The following POU2F3 variants were observed in gnomAD, a reference collection of about 807,000 sequenced individuals.
POU2F3 encodes the protein POU domain, class 2, transcription factor 3.
POU2F3 carries 23 observed loss-of-function variants against 59.2 expected under a neutral mutation model. The ratio of observed to expected loss-of-function variants is 0.39; its 90% confidence interval spans 0.28 to 0.55. POU2F3 has a LOEUF of 0.55. POU2F3 is among the 20% of genes least tolerant of loss of function. POU2F3 has a pLI of 0.66. For synonymous variants in POU2F3, 190 were observed against 214.6 expected, an observed-to-expected ratio of 0.89 and a Z score of 1.00; for missense variants, 473 against 544.5, an observed-to-expected ratio of 0.87 and a Z score of 1.31.
At chr11:120,307,700 C>T (rs1262345661) in intron 9 of POU2F3, 85 bp downstream of exon 9, 21 of 1,519,824 alleles carry the variant, frequency 1.4e-5, no homozygotes, top group Non-Finnish European at 1.9e-5. Context: ...TTGGCACCAG[C>T]CCCTCCGCAC....
upstream of POU2F3, chr11:120,236,759 G>A (rs1291158949): frequency 3.5e-6 from 5 of 1,410,566 alleles, no homozygotes; most frequent in Non-Finnish European, 4.8e-6. Context: ...GAAATGATCA[G>A]TGAGCAAGTC....
intron 3 of POU2F3, among the ~76,000 whole-genome samples, chr11:120,290,893 A>G (rs961387301): frequency 6.6e-6 from 1 of 152,204 alleles, no homozygotes. Flanking sequence ...ATTCATCTGG[A>G]ACCCCATAGT....
At chr11:120,275,988 C>A (rs1461779820) in intron 3 of POU2F3, among the ~76,000 whole-genome samples, 1 of 152,148 alleles carries the variant, frequency 6.6e-6, no homozygotes, top group African/African-American at 2.4e-5. Context: ...TCTTTAAAAT[C>A]AACAAGATTC....
chr11:120,301,477 T>C (rs1436295650), intron 5 of POU2F3: 1 of 166,634 alleles, frequency 6.0e-6, no homozygotes, highest in African/African-American at 2.4e-5. Flanking sequence ...AGATGCTGTA[T>C]GTACATTGTG....
intron 10 of POU2F3, among the ~76,000 whole-genome samples, chr11:120,313,073 G>C (rs986856800): frequency 6.6e-6 from 1 of 152,128 alleles, no homozygotes; most frequent in African/African-American, 2.4e-5. Flanking sequence ...GGTAGGCAGG[G>C]GCTGGATTAT....
intron 1 of POU2F3, among the ~76,000 whole-genome samples, chr11:120,244,975 C>T (rs1475108661): frequency 1.3e-5 from 2 of 152,124 alleles, no homozygotes; most frequent in East Asian, 3.9e-4. Context: ...GGTAAGGTTG[C>T]AGGTCTTCCT....
At chr11:120,283,863 T>C (rs1940674787) in intron 3 of POU2F3, among the ~76,000 whole-genome samples, 3 of 151,582 alleles carry the variant, frequency 2.0e-5, no homozygotes, top group Admixed American at 6.6e-5. Flanking sequence ...GAAAAGGGTC[T>C]GTATCATATT....
Position 120,318,288 on chromosome 11 carries a change from C to T in POU2F3, c.1272-65C>T, listed in dbSNP as rs1941839521. ...AAGCCCCTGTACCTGCTAGCAGTCA[C>T]TCCCCATTCCCATCTTACGCCATCA... On this transcript the variant is annotated intron_variant, in intron 12 of 12. Coordinates refer to ENST00000543440, the MANE Select transcript of POU2F3 (RefSeq NM_014352.4). 3 of 1,482,832 alleles carry T rather than the reference C, an allele frequency of 2.0e-6. No homozygotes were observed. The African/African-American group carries it at 4.2e-5, about 21-fold the overall frequency. The allele number at this position is 1,482,832 out of a possible 1,614,324, so 91.9% of individuals were successfully genotyped here. A position where few individuals can be genotyped will look rare whatever the true frequency, so the allele number is the denominator to read the frequency against.
intron 2 of POU2F3, among the ~76,000 whole-genome samples, chr11:120,265,081 C>T (rs1957246811): frequency 1.3e-5 from 2 of 152,206 alleles, no homozygotes; most frequent in African/African-American, 4.8e-5. Context: ...TCCATGCCTT[C>T]CTGTAGGCTG....
At chr11:120,244,567 A>G (rs1938794792) in intron 1 of POU2F3, among the ~76,000 whole-genome samples, 1 of 152,202 alleles carries the variant, frequency 6.6e-6, no homozygotes, top group Non-Finnish European at 1.5e-5. Flanking sequence ...GCCAAATCCC[A>G]TGCTCTGAAT....
chr11:120,253,379 C>G (rs1939199962), intron 2 of POU2F3, among the ~76,000 whole-genome samples: 1 of 152,156 alleles, frequency 6.6e-6, no homozygotes, highest in South Asian at 2.1e-4. Flanking sequence ...CCTGCCTCAG[C>G]CTCCCATGTA....
chr11:120,300,962 T>C, intron 5 of POU2F3: 1 of 452,288 alleles, frequency 2.2e-6, no homozygotes, highest in Non-Finnish European at 4.4e-6. Context: ...ATTTGAATTT[T>C]TAAGTGTTTA....
At chr11:120,257,800 T>C (rs1939409203) in intron 2 of POU2F3, among the ~76,000 whole-genome samples, 1 of 152,146 alleles carries the variant, frequency 6.6e-6, no homozygotes, top group East Asian at 1.9e-4. Flanking sequence ...CATGGAAGTG[T>C]GCTGCAAAAC....
chr11:120,280,158 G>A (rs377656992), intron 3 of POU2F3, among the ~76,000 whole-genome samples: 3 of 152,172 alleles, frequency 2.0e-5, no homozygotes, highest in Non-Finnish European at 4.4e-5. Flanking sequence ...TTTGGAGCAA[G>A]GCTTTTGAAA....
intron 10 of POU2F3, among the ~76,000 whole-genome samples, chr11:120,313,866 T>G (rs78302438): frequency 0.12 from 18,434 of 152,056 alleles, 1,452 homozygotes; most frequent in South Asian, 0.24. Flanking sequence ...ATACAAAAAT[T>G]AGCTGGGCAT....
intron 3 of POU2F3, among the ~76,000 whole-genome samples, chr11:120,282,748 T>C (rs1159959822): frequency 6.6e-6 from 1 of 152,262 alleles, no homozygotes; most frequent in African/African-American, 2.4e-5. Flanking sequence ...AAATATCATC[T>C]ATAGGCTTTG....
intron 2 of POU2F3, chr11:120,261,160 TTG>T (rs10579812): frequency 0.62 from 86,109 of 138,770 alleles, 27,557 homozygotes; most frequent in Non-Finnish European, 0.72. Context: ...TTTTGTTGTT[TTG>T]TGTGTGTGTG....
chr11:120,298,010 C>G (rs1225421837), intron 3 of POU2F3, among the ~76,000 whole-genome samples: 1 of 150,142 alleles, frequency 6.7e-6, no homozygotes, highest in Non-Finnish European at 1.5e-5. Flanking sequence ...ATTCCTACAT[C>G]GAGCCCTACT....
At chr11:120,254,480 G>A (rs372118572) in intron 2 of POU2F3, among the ~76,000 whole-genome samples, 1 of 151,942 alleles carries the variant, frequency 6.6e-6, no homozygotes, top group African/African-American at 2.4e-5. Context: ...GCCAGCATTT[G>A]TTATGGGTCT....
Sources: gnomAD v4.1 joint callset for allele counts (sites outside exome capture counted in the v4.1 genomes callset) on GRCh38, gnomAD v4.1.1 for gene constraint, MANE v1.5 for transcripts, NCBI Gene and HGNC (gene_info 2026-07-23, HGNC 2026-07-21) for gene names.